Variants in NRXN3 observed in about 807,000 individuals in gnomAD.
NRXN3 encodes the protein neurexin 3.
A neutral mutation model predicts 137.6 loss-of-function variants in NRXN3; 32 were observed. The ratio of observed to expected loss-of-function variants is 0.23; its 90% CI spans 0.18 to 0.31. The LOEUF is 0.31. Ranked by LOEUF, NRXN3 falls within the 10% of genes least tolerant of loss-of-function variation. The probability of loss-of-function intolerance (pLI) is 1.00; values close to 1 mark genes in which losing one functional copy is unlikely to be tolerated. For missense variants in NRXN3, 1,574 were observed against 2,062.5 expected (o/e 0.76, Z 4.59); for synonymous variants, 798 against 784.5 (o/e 1.02, Z -0.29).
At chr14:79,293,296 A>G (rs2083492138) in intron 15 of NRXN3, among the ~76,000 whole-genome samples, 1 of 152,192 alleles carries the variant, frequency 6.6e-6, no homozygotes, top group African/African-American at 2.4e-5. Context: ...AGGAATGATC[A>G]TGCCCCTAAA....
At chr14:78,666,458 GGTGCAGTGTGCTAAATGT>G (rs1185716575) in intron 6 of NRXN3, among the ~76,000 whole-genome samples, 1 of 152,130 alleles carries the variant, frequency 6.6e-6, no homozygotes, top group Non-Finnish European at 1.5e-5. Context: ...AGCCAGGGTG[GGTGCAGTGTGCTAAATGT>G]GAGAAGAATG....
chr14:79,856,403 TATC>T (rs1286196592), intron 20 of NRXN3, among the ~76,000 whole-genome samples: 2 of 152,190 alleles, frequency 1.3e-5, no homozygotes, highest in African/African-American at 4.8e-5. Flanking sequence ...TATTTCCCCT[TATC>T]ATGTGAATTT....
rs35554281 is a variant in NRXN3 at position 79,435,593 on chromosome 14, T to TACACACACACACACAC, written c.3263-31606_3263-31591dup. ...TTGGCAAGGATGTAGAACACTAAGA[T>TACACACACACACACAC]ACACACACACACACACACACACACA... On this transcript the variant is annotated intron_variant, in intron 15 of 20. Coordinates refer to ENST00000335750, the MANE Select transcript of NRXN3 (RefSeq NM_001330195.2). Among the ~76,000 whole-genome samples the TACACACACACACACAC allele has an allele frequency of 6.9e-4, 99 of 143,916 alleles. No individual in the cohort carries two copies. The East Asian group carries it at 6.9e-3, about 10-fold the overall frequency. The allele number at this position is 143,916 out of a possible 152,430, so 94.4% of individuals were successfully genotyped here.
chr14:78,653,055 G>A (rs758584487), intron 6 of NRXN3, among the ~76,000 whole-genome samples: 10 of 152,058 alleles, frequency 6.6e-5, no homozygotes, highest in Non-Finnish European at 1.5e-4. Flanking sequence ...GAGAGGAAGG[G>A]GTAGAAAAGA....
At chr14:79,504,973 G>A (rs2096862921) in intron 16 of NRXN3, among the ~76,000 whole-genome samples, 1 of 152,104 alleles carries the variant, frequency 6.6e-6, no homozygotes, top group African/African-American at 2.4e-5. Flanking sequence ...CCAGCACTTT[G>A]GGAGGCCCAG....
chr14:78,685,929 G>A (rs1027534236), intron 6 of NRXN3, among the ~76,000 whole-genome samples: 3 of 151,548 alleles, frequency 2.0e-5, no homozygotes, highest in Non-Finnish European at 4.4e-5. Flanking sequence ...GATTACAGGC[G>A]TGTGCCACCG....
At chr14:79,470,919 T>TGAGAGAGA (rs879935930) in intron 16 of NRXN3, among the ~76,000 whole-genome samples, 8 of 131,346 alleles carry the variant, frequency 6.1e-5, no homozygotes, top group African/African-American at 9.9e-5. Context: ...TGTGTGTGTG[T>TGAGAGAGA]GAGAGAGAGA....
At chr14:79,749,686 C>G (rs1003353797) in intron 19 of NRXN3, among the ~76,000 whole-genome samples, 1 of 152,122 alleles carries the variant, frequency 6.6e-6, no homozygotes, top group Admixed American at 6.6e-5. Context: ...ATCTGGGAAG[C>G]CTTTGTCACC....
At chr14:79,675,210 C>T (rs978154213) in intron 17 of NRXN3, among the ~76,000 whole-genome samples, 1 of 151,834 alleles carries the variant, frequency 6.6e-6, no homozygotes, top group African/African-American at 2.4e-5. Context: ...CCCCCAAAGG[C>T]CAAATAACAA....
Position 78,298,981 on chromosome 14 carries a change from C to T in NRXN3, c.757+1121C>T, listed in dbSNP as rs57271938. 2.7e-3 allele frequency among the ~76,000 whole-genome samples: 408 copies of T among 152,202 alleles called. 4 individuals are homozygous for T. The highest frequency in any genetic ancestry group is 9.0e-3 in the African/African-American group (374 of 41,512). On this transcript the variant is annotated intron_variant, in intron 4 of 20. Coordinates refer to ENST00000335750, the MANE Select transcript of NRXN3 (RefSeq NM_001330195.2). ...GAACTGCCCGAGGCTGGAAGAAGTT[C>T]GTTTATGGCATCCAGTTAGCTGTGG...
intron 15 of NRXN3, among the ~76,000 whole-genome samples, chr14:79,251,495 A>C (rs2075923795): frequency 6.6e-6 from 1 of 152,178 alleles, no homozygotes; most frequent in Non-Finnish European, 1.5e-5. Flanking sequence ...GGGTAAAATG[A>C]GGAGTGAAAA....
At chr14:79,718,032 G>T (rs969499928) in intron 19 of NRXN3, among the ~76,000 whole-genome samples, 4 of 152,160 alleles carry the variant, frequency 2.6e-5, no homozygotes, top group African/African-American at 9.7e-5. Flanking sequence ...GGGAGTGGGG[G>T]CAGAGACTAC....
At chr14:78,895,897 A>G (rs760497284) in intron 10 of NRXN3, among the ~76,000 whole-genome samples, 1 of 151,930 alleles carries the variant, frequency 6.6e-6, no homozygotes, top group African/African-American at 2.4e-5. Context: ...TAAGTTGGCC[A>G]TCTTATATGG....
chr14:78,479,616 G>A (rs1337369313), intron 4 of NRXN3, among the ~76,000 whole-genome samples: 4 of 152,170 alleles, frequency 2.6e-5, no homozygotes, highest in Non-Finnish European at 5.9e-5. Flanking sequence ...AGAATGTCCA[G>A]GAATTTGCAA....
At chr14:79,080,122 C>T (rs568683891) in intron 15 of NRXN3, among the ~76,000 whole-genome samples, 1 of 152,302 alleles carries the variant, frequency 6.6e-6, no homozygotes, top group Non-Finnish European at 1.5e-5. Flanking sequence ...CCATGTGAGA[C>T]TTCCTGGGAG....
intron 4 of NRXN3, among the ~76,000 whole-genome samples, chr14:78,529,905 C>G (rs557443432): frequency 3.9e-4 from 59 of 152,300 alleles, no homozygotes; most frequent in African/African-American, 1.3e-3. Context: ...CAGGCAGGAG[C>G]CTGGCTTTGC....
At chr14:79,528,950 T>C (rs996795343) in intron 16 of NRXN3, among the ~76,000 whole-genome samples, 8 of 152,152 alleles carry the variant, frequency 5.3e-5, no homozygotes, top group Non-Finnish European at 1.0e-4. Flanking sequence ...AATATGTATG[T>C]CTCGGTCTTC....
At chr14:79,517,696 C>G (rs2153698206) in intron 16 of NRXN3, among the ~76,000 whole-genome samples, 1 of 151,934 alleles carries the variant, frequency 6.6e-6, no homozygotes, top group East Asian at 1.9e-4. Flanking sequence ...CCAATTATTT[C>G]AATAACTATG....
Position 79,470,951 on chromosome 14 carries a change from A to AGTGT in NRXN3, c.3444+3592_3444+3595dup, listed in dbSNP as rs371413883. On this transcript the variant is annotated intron_variant, in intron 16 of 20. Coordinates refer to ENST00000335750, the MANE Select transcript of NRXN3 (RefSeq NM_001330195.2). ...GAGAGAGAGAGAGAAAGAGAGAGAG[A>AGTGT]GTGTGTGTGTGTGTGTGTGTGTGTG... Among the ~76,000 whole-genome samples the AGTGT allele has an allele frequency of 1.6e-3, 181 of 116,488 alleles. No homozygotes were observed. In the Middle Eastern group the frequency reaches 0.019, roughly 12 times the overall value. The allele number at this position is 116,488 out of a possible 152,430, so 76.4% of individuals were successfully genotyped here.
Sources: allele counts gnomAD v4.1 joint callset (sites outside exome capture counted in the v4.1 genomes callset), GRCh38; gene constraint gnomAD v4.1.1; transcripts MANE v1.5; gene names NCBI Gene and HGNC (gene_info 2026-07-23, HGNC 2026-07-21).